The following AP3B2 variants were observed in gnomAD, a reference collection of about 807,000 sequenced individuals.
The protein encoded by AP3B2 is adaptor related protein complex 3 subunit beta 2.
In AP3B2, 50 loss-of-function variants were observed where a neutral mutation model predicts 126.9. The observed-to-expected ratio is 0.39, with a 90% CI of 0.31 to 0.50. AP3B2 has a LOEUF of 0.50. Ranked by LOEUF, AP3B2 falls within the 20% of genes least tolerant of loss-of-function variation. The pLI, the probability that AP3B2 is intolerant of heterozygous loss-of-function variation, is 0.79. For synonymous variants in AP3B2, 541 were observed against 565.0 expected (o/e 0.96, Z 0.60); for missense variants, 1,177 against 1,426.4 (o/e 0.83, Z 2.82).
At chr15:82,691,988 A>G (rs953615674) in intron 1 of AP3B2, 4 of 1,450,412 alleles carry the variant, frequency 2.8e-6, no homozygotes, top group East Asian at 2.3e-5. Context: ...GACATCCCCA[A>G]CTTCTCGCAT....
chr15:82,670,020 A>C (rs1374029399), intron 14 of AP3B2, among the ~76,000 whole-genome samples: 8 of 145,462 alleles, frequency 5.5e-5, no homozygotes, highest in Non-Finnish European at 9.0e-5. Context: ...AAAAAAAAAA[A>C]AAAACCCATT....
At chr15:82,679,668 T>C (rs1164467296) in intron 10 of AP3B2, 61 bp downstream of exon 10, 3 of 1,502,726 alleles carry the variant, frequency 2.0e-6, no homozygotes, top group East Asian at 2.3e-5. Context: ...TGTGAGTTAT[T>C]TGAGTGGGTA....
Position 82,664,559 on chromosome 15 carries a change from G to C in AP3B2, c.2138-69C>G, listed in dbSNP as rs2048018141. ...TCCTTGGGTCTGGAGCAGACACCTG[G>C]GTTCCACCTTCACATTCAGTACTGA... is the stretch of plus-strand genomic sequence containing the variant. On this transcript the variant is annotated intron_variant, in intron 18 of 26. Coordinates refer to ENST00000535359, the MANE Select transcript of AP3B2 (RefSeq NM_001278512.2). This position sits in a 1 kb window ranked among gnomAD's most constrained non-coding sequence, Gnocchi z 4.5. 23 of 1,550,880 alleles carry C rather than the reference G, an allele frequency of 1.5e-5. No homozygotes were observed. The South Asian group carries it at 2.7e-4, about 18-fold the overall frequency.
intron 1 of AP3B2, among the ~76,000 whole-genome samples, chr15:82,691,185 ACT>A: frequency 6.6e-6 from 1 of 152,298 alleles, no homozygotes; most frequent in Admixed American, 6.5e-5. Flanking sequence ...GAATCGCCAC[ACT>A]GTCTTCCACA....
intron 4 of AP3B2, among the ~76,000 whole-genome samples, chr15:82,683,911 G>A (rs1466445540): frequency 6.6e-6 from 1 of 152,200 alleles, no homozygotes; most frequent in Non-Finnish European, 1.5e-5. Flanking sequence ...TCAATGAGCA[G>A]TAATATTATG....
chr15:82,692,079 A>G, intron 1 of AP3B2: 1 of 1,494,012 alleles, frequency 6.7e-7, no homozygotes, highest in Non-Finnish European at 9.3e-7. Flanking sequence ...CAGAAGGCCC[A>G]TTCCTCCCAC....
intron 14 of AP3B2, among the ~76,000 whole-genome samples, chr15:82,669,337 C>T (rs2048110552): frequency 1.3e-5 from 2 of 152,102 alleles, no homozygotes; most frequent in African/African-American, 2.4e-5. Context: ...TTAAGGATTC[C>T]ACCAAAAAAC....
chr15:82,678,310 G>A, intron 10 of AP3B2, 143 bp from the exon 11 acceptor site: 1 of 862,512 alleles, frequency 1.2e-6, no homozygotes, highest in Non-Finnish European at 1.9e-6. Flanking sequence ...GGAATTGACA[G>A]GTTATGAAAC....
chr15:82,700,424 G>GTTTTTTT (rs2048702540), intron 1 of AP3B2, among the ~76,000 whole-genome samples: 1 of 8,076 alleles, frequency 1.2e-4, no homozygotes, highest in Non-Finnish European at 3.0e-4. Context: ...TTCAGATGGA[G>GTTTTTTT]TTTCACTCTT....
chr15:82,678,442 G>A lies in AP3B2; in HGVS notation c.1183-275C>T, dbSNP rs574075896. 1.8e-4 allele frequency among the ~76,000 whole-genome samples: 28 copies of A among 152,212 alleles called. No individual in the cohort carries two copies. The East Asian group carries it at 5.2e-3, about 28-fold the overall frequency. On this transcript the variant is annotated intron_variant, in intron 10 of 26. Coordinates refer to ENST00000535359, the MANE Select transcript of AP3B2 (RefSeq NM_001278512.2). ...ACTTAAAGCTTCCTATTGCTTTCAG[G>A]ATGGAGACCATCGTATTCACCATGG...
rs763407028 is a variant in AP3B2 at position 82,677,767 on chromosome 15, C to T, written c.1282G>A (p.Ala428Thr). 6.2e-7 allele frequency: 1 copy of T among 1,612,276 alleles called. No individual in the cohort carries two copies. The highest frequency in any genetic ancestry group is 1.1e-5 in the South Asian group (1 of 90,784). ...IRSMDKDFVA[A>T]TIQAIGRCAT... The stretch of plus-strand genomic sequence containing the variant: ...CAGCGTCCAATGGCCTGGATTGTGG[C>T]TGCCACAAAGTCCTTGTCCATGCTG... The change falls in exon 12 of 27, where the codon GCC becomes ACC. Residue 428 changes from alanine (A) to threonine (T), a missense_variant. Physicochemically the swap from Ala to Thr is moderately conservative, Grantham distance 58 (BLOSUM62 0). Around this residue, in one of 5 missense-constraint regions of AP3B2, gnomAD observed 308 missense variants for 452.4 expected, o/e 0.68. Coordinates refer to ENST00000535359, the MANE Select transcript of AP3B2 (RefSeq NM_001278512.2).
chr15:82,661,723 G>C, intron 25 of AP3B2, 102 bp downstream of exon 25: 1 of 942,122 alleles, frequency 1.1e-6, no homozygotes, highest in Non-Finnish European at 1.6e-6. Flanking sequence ...GCTGACCCCT[G>C]GTCTAGATGA....
At chr15:82,705,577 A>T (rs1398691993) in intron 1 of AP3B2, among the ~76,000 whole-genome samples, 1 of 152,086 alleles carries the variant, frequency 6.6e-6, no homozygotes, top group Admixed American at 6.5e-5. Context: ...ACTGTCCCTG[A>T]CACCCATCAG....
chr15:82,705,755 A>G (rs1237727201), intron 1 of AP3B2, among the ~76,000 whole-genome samples: 1 of 152,082 alleles, frequency 6.6e-6, no homozygotes, highest in African/African-American at 2.4e-5. Context: ...CCGAACCCCA[A>G]TCCCTTCTAC....
intron 1 of AP3B2, among the ~76,000 whole-genome samples, chr15:82,700,397 C>CTTTTTGTTTTTTTTTTTTT (rs2048700177): frequency 2.9e-5 from 1 of 35,086 alleles, no homozygotes; most frequent in Non-Finnish European, 5.1e-5. Context: ...TGGTGGGTGG[C>CTTTTTGTTTTTTTTTTTTT]TTTTTTTTTT....
intron 1 of AP3B2, 32 bp from the exon 2 acceptor site, chr15:82,689,485 C>A: frequency 6.2e-7 from 1 of 1,603,684 alleles, no homozygotes; most frequent in Non-Finnish European, 8.5e-7. Flanking sequence ...CAGCTGAGGG[C>A]ACAAGGGTGG....
chr15:82,701,167 T>C (rs2151460401), intron 1 of AP3B2, among the ~76,000 whole-genome samples: 1 of 152,304 alleles, frequency 6.6e-6, no homozygotes, highest in South Asian at 2.1e-4. Context: ...AGTCTCCATC[T>C]GCATTTATAC....
Position 82,664,253 on chromosome 15 carries a change from C to G in AP3B2, c.2261+114G>C. On this transcript the variant is annotated intron_variant, in intron 19 of 26. Coordinates refer to ENST00000535359, the MANE Select transcript of AP3B2 (RefSeq NM_001278512.2). This position sits in a 1 kb window ranked among gnomAD's most constrained non-coding sequence, Gnocchi z 4.5. The stretch of plus-strand genomic sequence containing the variant: ...GCGTCATGTGAGCTGACAGCCCCAC[C>G]CAGCTCACGAGGGGCTCAGGGGCTC... 13 of 1,514,704 alleles carry G rather than the reference C, an allele frequency of 8.6e-6. No homozygotes were observed. The highest frequency in any genetic ancestry group is 1.2e-5 in the Non-Finnish European group (13 of 1,114,044). The allele number at this position is 1,514,704 out of a possible 1,614,324, so 93.8% of individuals were successfully genotyped here.
Position 82,709,799 on chromosome 15 carries a change from C to A in AP3B2, c.-93G>T, listed in dbSNP as rs1256198234. ...GGAAGGCGGGCCGGTCCGGTCCGGGCTGGCGAAGGCGGCGGCGCGGCAGGG... is the reference window on the plus strand; with the variant it reads ...GGAAGGCGGGCCGGTCCGGTCCGGGATGGCGAAGGCGGCGGCGCGGCAGGG... On this transcript the variant is annotated 5_prime_UTR_variant, in exon 1 of 27. Transcript: ENST00000535359. 33 of 1,024,410 alleles carry A rather than the reference C, an allele frequency of 3.2e-5. No individual in the cohort carries two copies. Among genetic ancestry groups the A allele is most frequent in the Non-Finnish European group, 4.1e-5 (31 of 759,660 alleles). The allele number at this position is 1,024,410 out of a possible 1,614,324, so 63.5% of individuals were successfully genotyped here. A position where few individuals can be genotyped will look rare whatever the true frequency, so the allele number is the denominator to read the frequency against.
Sources: allele counts gnomAD v4.1 joint callset (sites outside exome capture counted in the v4.1 genomes callset), GRCh38; gene constraint gnomAD v4.1.1; regional missense constraint gnomAD v4.1.1; non-coding constraint Gnocchi (gnomAD v3.1); transcripts MANE v1.5; gene names NCBI Gene and HGNC (gene_info 2026-07-23, HGNC 2026-07-21).